The following CADPS2 variants were observed in gnomAD, a reference collection of about 807,000 sequenced individuals.
CADPS2 encodes calcium-dependent secretion activator 2.
CADPS2 carries 93 observed loss-of-function variants against 172.5 expected under a neutral mutation model. That is an observed-to-expected ratio of 0.54 (90% confidence interval 0.46 to 0.64). The LOEUF (loss-of-function observed/expected upper bound fraction) is 0.64. CADPS2 is among the 30% of genes least tolerant of loss of function. CADPS2 has a pLI of 0.00. For missense variants in CADPS2, 1,420 were observed against 1,565.9 expected, an observed-to-expected ratio of 0.91 and a Z score of 1.57; for synonymous variants, 546 against 555.2, an observed-to-expected ratio of 0.98 and a Z score of 0.23.
At chr7:122,557,188 T>C (rs996357461) in intron 7 of CADPS2, among the ~76,000 whole-genome samples, 1 of 152,158 alleles carries the variant, frequency 6.6e-6, no homozygotes, top group Non-Finnish European at 1.5e-5. Flanking sequence ...TAAAATAGTT[T>C]TCAGGCTCCC....
At chr7:122,610,553 G>A (rs2074169415) in intron 6 of CADPS2, among the ~76,000 whole-genome samples, 2 of 152,006 alleles carry the variant, frequency 1.3e-5, no homozygotes, top group African/African-American at 4.8e-5. Flanking sequence ...ACTGAGAGTG[G>A]GAGCAGGAAT....
Position 122,701,960 on chromosome 7 carries a change from G to A in CADPS2, c.453+34995C>T, listed in dbSNP as rs368944991. The A allele has an allele frequency of 1.1e-5, 18 of 1,613,462 alleles. No individual in the cohort carries two copies. In the African/African-American group the frequency reaches 2.0e-4, roughly 18 times the overall value. On this transcript the variant is annotated intron_variant, in intron 2 of 29. Transcript: ENST00000449022. ...GCGTACTACATCTTGGGGTTTGTAT[G>A]TGTCAAAGCAAACAACACAGTTGTC...
At chr7:122,796,362 A>G (rs1437130029) in intron 1 of CADPS2, among the ~76,000 whole-genome samples, 4 of 152,244 alleles carry the variant, frequency 2.6e-5, no homozygotes, top group Non-Finnish European at 5.9e-5. Flanking sequence ...AAACTATTTT[A>G]AAATTCATAT....
intron 1 of CADPS2, among the ~76,000 whole-genome samples, chr7:122,761,521 C>T (rs2093377618): frequency 6.6e-6 from 1 of 151,832 alleles, no homozygotes. Context: ...TATGAAAAGT[C>T]TCTAACACAA....
chr7:122,642,460 A>C (rs2077767413), intron 3 of CADPS2, among the ~76,000 whole-genome samples: 1 of 152,050 alleles, frequency 6.6e-6, no homozygotes, highest in Non-Finnish European at 1.5e-5. Context: ...CCTAGGGAGA[A>C]CTGGAAGCCT....
At chr7:122,322,194 A>G (rs1462937318) in intron 29 of CADPS2, among the ~76,000 whole-genome samples, 1 of 152,216 alleles carries the variant, frequency 6.6e-6, no homozygotes, top group Non-Finnish European at 1.5e-5. Flanking sequence ...GTAAAGTATT[A>G]TTGTTCCACT....
At chr7:122,721,188 G>T (rs1588727184) in intron 2 of CADPS2, among the ~76,000 whole-genome samples, 1 of 151,714 alleles carries the variant, frequency 6.6e-6, no homozygotes, top group Admixed American at 6.6e-5. Context: ...ATTAATTCCT[G>T]CTTATAAATC....
intron 13 of CADPS2, among the ~76,000 whole-genome samples, chr7:122,473,970 A>G (rs1237618919): frequency 6.6e-6 from 1 of 152,200 alleles, no homozygotes; most frequent in Non-Finnish European, 1.5e-5. Context: ...TGTCCTTCTA[A>G]GAACAAAAGA....
chr7:122,750,434 T>G (rs2092903489), intron 1 of CADPS2, among the ~76,000 whole-genome samples: 1 of 152,136 alleles, frequency 6.6e-6, no homozygotes, highest in South Asian at 2.1e-4. Context: ...TGATGCCCCC[T>G]CTTTCTATGT....
intron 6 of CADPS2, chr7:122,585,732 C>T (rs981804010): frequency 6.6e-6 from 1 of 151,832 alleles, no homozygotes; most frequent in African/African-American, 2.4e-5. Context: ...GGTAAATGTT[C>T]GAATGAATAA....
intron 6 of CADPS2, among the ~76,000 whole-genome samples, chr7:122,605,948 A>C (rs1450800475): frequency 6.6e-6 from 1 of 152,100 alleles, no homozygotes; most frequent in Non-Finnish European, 1.5e-5. Context: ...TTATTATAGC[A>C]ATGTCCATCA....
chr7:122,725,712 T>G (rs1302496404), intron 2 of CADPS2, among the ~76,000 whole-genome samples: 3 of 151,872 alleles, frequency 2.0e-5, no homozygotes, highest in Admixed American at 1.3e-4. Flanking sequence ...GAAGATCACT[T>G]GAGCCCAGGA....
intron 14 of CADPS2, among the ~76,000 whole-genome samples, chr7:122,468,847 C>T (rs2055512824): frequency 6.6e-6 from 1 of 152,188 alleles, no homozygotes; most frequent in African/African-American, 2.4e-5. Context: ...TGGATTATTT[C>T]TATCCTAAAT....
intron 1 of CADPS2, among the ~76,000 whole-genome samples, chr7:122,864,180 A>ACT (rs1017005307): frequency 6.6e-6 from 1 of 152,008 alleles, no homozygotes; most frequent in Non-Finnish European, 1.5e-5. Flanking sequence ...ATGGTTTCAG[A>ACT]CTCTCTTATG....
At chr7:122,413,315 G>T (rs1284540391) in intron 19 of CADPS2, among the ~76,000 whole-genome samples, 1 of 152,146 alleles carries the variant, frequency 6.6e-6, no homozygotes, top group African/African-American at 2.4e-5. Context: ...TTTCTGGAAA[G>T]GAACTTAAAC....
At chr7:122,574,483 T>C (rs2067715684) in intron 7 of CADPS2, among the ~76,000 whole-genome samples, 1 of 121,410 alleles carries the variant, frequency 8.2e-6, no homozygotes, top group African/African-American at 3.1e-5. Flanking sequence ...ATTTCTCAAC[T>C]AAGAAGTGTT....
At chr7:122,458,500 T>C (rs548423903) in intron 14 of CADPS2, among the ~76,000 whole-genome samples, 3 of 152,284 alleles carry the variant, frequency 2.0e-5, no homozygotes, top group South Asian at 2.1e-4. Flanking sequence ...CATTGAGATA[T>C]AAAAAACAGA....
At chr7:122,563,642 A>G (rs575970686) in intron 7 of CADPS2, among the ~76,000 whole-genome samples, 27 of 152,194 alleles carry the variant, frequency 1.8e-4, no homozygotes, top group Non-Finnish European at 3.4e-4. Flanking sequence ...ATTAAGTACA[A>G]TAAGAATTTT....
chr7:122,831,981 T>C (rs1462994606), intron 1 of CADPS2, among the ~76,000 whole-genome samples: 1 of 152,196 alleles, frequency 6.6e-6, no homozygotes, highest in African/African-American at 2.4e-5. Flanking sequence ...ACATAAATTA[T>C]GCTATAATAT....
Sources: gnomAD v4.1 joint callset for allele counts (sites outside exome capture counted in the v4.1 genomes callset) on GRCh38, gnomAD v4.1.1 for gene constraint, MANE v1.5 for transcripts, NCBI Gene and HGNC (gene_info 2026-07-23, HGNC 2026-07-21) for gene names.